RFTN1: variants seen among roughly 807,000 people sequenced by gnomAD.
RFTN1 encodes the protein raftlin.
Under a neutral mutation model 46.5 loss-of-function variants are expected in RFTN1, and 26 were observed. That is an observed-to-expected ratio of 0.56 (90% CI 0.41 to 0.78). RFTN1 has a LOEUF of 0.78. Among genes scored for constraint, RFTN1 ranks in the 30% least tolerant of loss-of-function variants. The pLI is 0.00. For missense variants in RFTN1, 693 were observed against 718.7 expected, an observed-to-expected ratio of 0.96 and a Z score of 0.41; for synonymous variants, 261 against 284.2, an observed-to-expected ratio of 0.92 and a Z score of 0.82.
intron 7 of RFTN1, among the ~76,000 whole-genome samples, chr3:16,333,811 G>A (rs978824506): frequency 1.3e-5 from 2 of 152,180 alleles, no homozygotes; most frequent in African/African-American, 2.4e-5. Context: ...AGAGATCACA[G>A]AAGATTCAAA....
At chr3:16,377,687 G>A (rs761560182) in intron 5 of RFTN1, 31 bp downstream of exon 5, 4 of 1,547,164 alleles carry the variant, frequency 2.6e-6, no homozygotes, top group South Asian at 1.2e-5. Context: ...CTCTTTAAGT[G>A]GGTCAAAACT....
intron 2 of RFTN1, among the ~76,000 whole-genome samples, chr3:16,492,894 T>TCTGATG (rs745612964): frequency 3.9e-5 from 6 of 152,150 alleles, no homozygotes; most frequent in Non-Finnish European, 8.8e-5. Context: ...CAGCAAATGC[T>TCTGATG]CTGATGCTGA....
At position 16,468,216 on chromosome 3, in the gene RFTN1, C is replaced by G. The variant is rs2076134282; in HGVS notation, c.145+25509G>C. Among the ~76,000 whole-genome samples the G allele has an allele frequency of 2.6e-5, 4 of 152,186 alleles. 1 individual carries two copies. In the South Asian group the frequency reaches 8.3e-4, roughly 32 times the overall value. ...AATTCCGTCGGCTTAATTTATGTGGCTCATTCCTCATTCCCTTTCAGCTGA... is the reference window on the plus strand; with the variant it reads ...AATTCCGTCGGCTTAATTTATGTGGGTCATTCCTCATTCCCTTTCAGCTGA... On this transcript the variant is annotated intron_variant, in intron 2 of 9. Transcript: ENST00000334133. The surrounding 1 kb of genome is among the most constrained non-coding windows in gnomAD (Gnocchi z 4.4).
rs2076331716 is a variant in RFTN1, at chr3:16,479,476, C to T, written c.145+14249G>A. The stretch of plus-strand genomic sequence containing the variant: ...AGTCTGAGGGATATGGAAGGCAATC[C>T]AGAAAAACCTCAACATCCTTCTCCC... On this transcript the variant is annotated intron_variant, in intron 2 of 9. Transcript: ENST00000334133. The surrounding 1 kb of genome is among the most constrained non-coding windows in gnomAD (Gnocchi z 5.1). Among the ~76,000 whole-genome samples the T allele has an allele frequency of 6.6e-6, 1 of 152,148 alleles. No individual in the cohort carries two copies. Among genetic ancestry groups the T allele is most frequent in the East Asian group, 1.9e-4 (1 of 5,196 alleles).
chr3:16,483,937 C>T lies in RFTN1; in HGVS notation c.145+9788G>A, dbSNP rs1369926366. ...GCCCAGGACTCTGCATTTTGACAAGCCCTCCAGGCTATTCTGATTCACTCT... is the reference window on the plus strand; with the variant it reads ...GCCCAGGACTCTGCATTTTGACAAGTCCTCCAGGCTATTCTGATTCACTCT... On this transcript the variant is annotated intron_variant, in intron 2 of 9. Coordinates refer to ENST00000334133, the MANE Select transcript of RFTN1 (RefSeq NM_015150.2). The surrounding 1 kb of genome is among the most constrained non-coding windows in gnomAD (Gnocchi z 4.8). Among the ~76,000 whole-genome samples, 1 of 152,166 alleles carries T rather than the reference C, an allele frequency of 6.6e-6. No homozygotes were observed. Among genetic ancestry groups the T allele is most frequent in the Non-Finnish European group, 1.5e-5 (1 of 68,026 alleles).
In RFTN1 at chr3:16,334,443, GCA is replaced by G. The variant is rs1257752227; in HGVS notation, c.1147-7569_1147-7568del. ...ACCTACGTATTAAAAAATGAGAAAT[GCA>G]CAGAGTTATTCACTGGAGAGCGGTC... On this transcript the variant is annotated intron_variant, in intron 7 of 9. Transcript: ENST00000334133. The surrounding 1 kb of genome is among the most constrained non-coding windows in gnomAD (Gnocchi z 4.3). Among the ~76,000 whole-genome samples, 4 of 152,204 alleles carry G rather than the reference GCA, an allele frequency of 2.6e-5. No homozygotes were observed. The highest frequency in any genetic ancestry group is 9.7e-5 in the African/African-American group (4 of 41,440).
intron 7 of RFTN1, among the ~76,000 whole-genome samples, chr3:16,350,845 G>A (rs2072049607): frequency 6.6e-6 from 1 of 152,156 alleles, no homozygotes; most frequent in Admixed American, 6.5e-5. Context: ...TAATTATCTT[G>A]GAGAAACTGT....
chr3:16,333,120 T>C (rs899638201), intron 7 of RFTN1, among the ~76,000 whole-genome samples: 2 of 152,234 alleles, frequency 1.3e-5, no homozygotes, highest in Admixed American at 1.3e-4. Flanking sequence ...AAGCACATCA[T>C]AGCATTCCTG....
intron 8 of RFTN1, among the ~76,000 whole-genome samples, chr3:16,325,781 G>A (rs903435280): frequency 6.6e-6 from 1 of 152,212 alleles, no homozygotes; most frequent in African/African-American, 2.4e-5. Flanking sequence ...GGAGGGACTA[G>A]GAAAGACATC....
rs922611575 is a variant in RFTN1, at chr3:16,382,545, A to G, written c.442-4443T>C. On this transcript the variant is annotated intron_variant, in intron 4 of 9. Transcript: ENST00000334133. The surrounding 1 kb of genome is among the most constrained non-coding windows in gnomAD (Gnocchi z 4.7). ...CCCCTTGGTGACTTCCTCTACTCAC[A>G]TGGGTTTAGCTACAAATCAGATGTT... Among the ~76,000 whole-genome samples, 8 of 152,132 alleles carry G rather than the reference A, an allele frequency of 5.3e-5. No individual in the cohort carries two copies. Among genetic ancestry groups the G allele is most frequent in the African/African-American group, 1.9e-4 (8 of 41,422 alleles).
At chr3:16,414,648 C>T (rs2075040910) in intron 3 of RFTN1, among the ~76,000 whole-genome samples, 1 of 151,416 alleles carries the variant, frequency 6.6e-6, no homozygotes, top group African/African-American at 2.4e-5. Context: ...AACACAGCAG[C>T]AGGGTAAGGT....
intron 8 of RFTN1, among the ~76,000 whole-genome samples, chr3:16,324,646 TTGTGTGTGTGTGTGTG>T (rs71632869): frequency 0.089 from 8,911 of 100,500 alleles, 462 homozygotes; most frequent in Non-Finnish European, 0.11. Context: ...TAGTATTCCA[TTGTGTGTGTGTGTGTG>T]TGTGTGTGTG....
intron 2 of RFTN1, among the ~76,000 whole-genome samples, chr3:16,476,766 A>G (rs1206261754): frequency 6.6e-6 from 1 of 152,216 alleles, no homozygotes; most frequent in East Asian, 1.9e-4. Flanking sequence ...CTGTTTGTTT[A>G]CTTTCAGCAA....
Position 16,376,917 on chromosome 3 carries a change from C to T in RFTN1, c.826+801G>A, listed in dbSNP as rs1460134547. Among the ~76,000 whole-genome samples, 1 of 151,956 alleles carries T rather than the reference C, an allele frequency of 6.6e-6. No individual in the cohort carries two copies. The highest frequency in any genetic ancestry group is 2.1e-4 in the South Asian group (1 of 4,798). ...AATAAATGGTAATAACAATATTAAC[C>T]AGGGAGATCATCCAGAAAGGCCTAA... On this transcript the variant is annotated intron_variant, in intron 5 of 9. Transcript: ENST00000334133. The surrounding 1 kb of genome is among the most constrained non-coding windows in gnomAD (Gnocchi z 4.7).
chr3:16,392,877 A>G (rs1314631290), intron 4 of RFTN1, among the ~76,000 whole-genome samples: 2 of 152,108 alleles, frequency 1.3e-5, no homozygotes, highest in African/African-American at 4.8e-5. Flanking sequence ...GGAGTTGCAA[A>G]AAAAGAAAAT....
At chr3:16,359,028 T>C (rs2072653082) in intron 6 of RFTN1, among the ~76,000 whole-genome samples, 1 of 90,612 alleles carries the variant, frequency 1.1e-5, no homozygotes, top group Admixed American at 1.4e-4. Flanking sequence ...CGAGATTCTG[T>C]CTCCAAAAAA....
chr3:16,367,588 T>C (rs920952107), intron 6 of RFTN1, among the ~76,000 whole-genome samples: 3 of 152,290 alleles, frequency 2.0e-5, no homozygotes, highest in Admixed American at 6.5e-5. Flanking sequence ...ACGGTTGCGC[T>C]TGCCAGGGGA....
intron 3 of RFTN1, among the ~76,000 whole-genome samples, chr3:16,431,908 A>G (rs2075397177): frequency 6.6e-6 from 1 of 152,228 alleles, no homozygotes; most frequent in Non-Finnish European, 1.5e-5. Flanking sequence ...GCCAGGATTA[A>G]GAATGCAGGT....
intron 4 of RFTN1, among the ~76,000 whole-genome samples, chr3:16,406,948 G>A (rs1257633235): frequency 6.6e-6 from 1 of 152,122 alleles, no homozygotes; most frequent in East Asian, 1.9e-4. Flanking sequence ...AAGAATGCTG[G>A]CATAAAAGTT....
Sources: allele counts gnomAD v4.1 joint callset (sites outside exome capture counted in the v4.1 genomes callset), GRCh38; gene constraint gnomAD v4.1.1; non-coding constraint Gnocchi (gnomAD v3.1); transcripts MANE v1.5; gene names NCBI Gene and HGNC (gene_info 2026-07-23, HGNC 2026-07-21).